Variants in OTC observed in about 807,000 individuals in gnomAD.
The protein encoded by OTC is ornithine transcarbamylase.
OTC carries 3 observed loss-of-function variants against 30.3 expected under a neutral mutation model. The ratio of observed to expected loss-of-function variants is 0.10; its 90% confidence interval spans 0.05 to 0.26. The LOEUF (loss-of-function observed/expected upper bound fraction) is 0.26, where lower values mean the gene tolerates loss of function less well. Among genes scored for constraint, OTC ranks in the 10% least tolerant of loss-of-function variants. The pLI is 1.00. For synonymous variants in OTC, 111 were observed against 99.7 expected (o/e 1.11, Z -0.67); for missense variants, 194 against 260.3 (o/e 0.75, Z 1.75).
chrX:38,328,875 A>T, the OTC span, among the ~76,000 whole-genome samples: 3 of 111,647 alleles, frequency 2.7e-5, no homozygotes, highest in Admixed American at 9.5e-5. Context: ...GAGCAGGCAG[A>T]TTTGAAAATA....
At chrX:38,383,357 G>A (rs1201052771) in intron 4 of OTC, among the ~76,000 whole-genome samples, 1 of 112,153 alleles carries the variant, frequency 8.9e-6, no homozygotes, top group African/African-American at 3.2e-5. Context: ...GATGAGGAAA[G>A]CATGGCTCAG....
chrX:38,327,756 C>A, the OTC span, among the ~76,000 whole-genome samples: 6 of 112,910 alleles, frequency 5.3e-5, no homozygotes, highest in Non-Finnish European at 9.4e-5. Flanking sequence ...GTCCAGGCGC[C>A]GCAGGGACCC....
At chrX:38,390,335 A>G (rs2068423607) in intron 4 of OTC, among the ~76,000 whole-genome samples, 1 of 112,347 alleles carries the variant, frequency 8.9e-6, no homozygotes, top group Admixed American at 9.5e-5. Context: ...TCTGTTTCCC[A>G]GAGGGAGATT....
intron 5 of OTC, among the ~76,000 whole-genome samples, chrX:38,402,737 ATATGT>A (rs1481319056): frequency 9.0e-6 from 1 of 111,415 alleles, no homozygotes; most frequent in African/African-American, 3.3e-5. Flanking sequence ...CTTTCCACAA[ATATGT>A]TATTATCCTG....
chrX:38,400,058 A>T (rs1170566150), intron 4 of OTC, among the ~76,000 whole-genome samples: 7 of 111,223 alleles, frequency 6.3e-5, no homozygotes, highest in African/African-American at 2.3e-4. Flanking sequence ...CTTCTTTGAA[A>T]TTGTCTTTCA....
At chrX:38,344,425 A>G in the OTC span, among the ~76,000 whole-genome samples, 1 of 111,915 alleles carries the variant, frequency 8.9e-6, no homozygotes, top group South Asian at 3.7e-4. Context: ...CTTATAAAAC[A>G]TTCTGGGAAT....
intron 9 of OTC, 29 bp from the exon 10 acceptor site, chrX:38,420,994 A>G: frequency 8.8e-7 from 1 of 1,139,368 alleles, no homozygotes; most frequent in Non-Finnish European, 1.2e-6. Flanking sequence ...ATGTTTATCC[A>G]TTTCTTTCTT....
rs1002292791 is a variant in OTC, at chrX:38,414,590, G to A, written c.1005+2591G>A. 2.7e-5 allele frequency among the ~76,000 whole-genome samples: 3 copies of A among 112,039 alleles called. No homozygotes were observed. In the East Asian group the frequency reaches 8.4e-4, roughly 31 times the overall value. ...TACTAGTCAGCTGTGCCATCTTAGC[G>A]TCTAAGTATTAACTCTCTAGGTCCC... On this transcript the variant is annotated intron_variant, in intron 9 of 9. Coordinates refer to ENST00000039007, the MANE Select transcript of OTC (RefSeq NM_000531.6).
chrX:38,374,146 G>A (rs1156598521), intron 3 of OTC, among the ~76,000 whole-genome samples: 2 of 111,611 alleles, frequency 1.8e-5, no homozygotes, highest in East Asian at 5.6e-4. Context: ...CTGGGCTACA[G>A]AGCAAGACTC....
chrX:38,328,396 A>G, the OTC span, among the ~76,000 whole-genome samples: 3 of 112,538 alleles, frequency 2.7e-5, no homozygotes, highest in African/African-American at 6.5e-5. Context: ...TTACTTACAA[A>G]GCAAAGTGGA....
At chrX:38,369,657 GC>G (rs768258209) in intron 2 of OTC, 138 bp from the exon 3 acceptor site, 1 of 295,961 alleles carries the variant, frequency 3.4e-6, no homozygotes, top group East Asian at 6.8e-5. Flanking sequence ...ACCACACCTG[GC>G]CTAAATTCAC....
intron 2 of OTC, among the ~76,000 whole-genome samples, chrX:38,367,851 G>A (rs749610351): frequency 1.8e-5 from 2 of 109,863 alleles, no homozygotes; most frequent in Non-Finnish European, 3.8e-5. Flanking sequence ...CCAAGTAGCT[G>A]GGATTACAGG....
At chrX:38,404,029 T>C (rs1264106747) in intron 6 of OTC, among the ~76,000 whole-genome samples, 1 of 112,408 alleles carries the variant, frequency 8.9e-6, no homozygotes, top group Non-Finnish European at 1.9e-5. Flanking sequence ...GCCATTATGA[T>C]GACTGGCATT....
chrX:38,387,321 TA>T (rs949293257), intron 4 of OTC, among the ~76,000 whole-genome samples: 7 of 112,095 alleles, frequency 6.2e-5, no homozygotes, highest in African/African-American at 1.3e-4. Flanking sequence ...ATTATTACAA[TA>T]AAAAAGTCTT....
chrX:38,368,380 T>G (rs752753881), intron 2 of OTC, among the ~76,000 whole-genome samples: 76 of 110,959 alleles, frequency 6.8e-4, no homozygotes, highest in African/African-American at 2.4e-3. Flanking sequence ...AAGATGATCC[T>G]TTTTTTCCAA....
At chrX:38,345,761 G>A in the OTC span, among the ~76,000 whole-genome samples, 10 of 109,862 alleles carry the variant, frequency 9.1e-5, no homozygotes, top group African/African-American at 3.3e-4. Flanking sequence ...GGCTGGTCTC[G>A]AACTCCTGAC....
chrX:38,382,229 C>G (rs769153872), intron 4 of OTC, among the ~76,000 whole-genome samples: 2 of 111,869 alleles, frequency 1.8e-5, no homozygotes, highest in Admixed American at 1.9e-4. Context: ...AAGGGAGAGA[C>G]GGGGAAAGGC....
intron 8 of OTC, 130 bp downstream of exon 8, chrX:38,409,155 C>A (rs1252641073): frequency 1.0e-5 from 7 of 675,695 alleles, no homozygotes; most frequent in Non-Finnish European, 1.4e-5. Flanking sequence ...CTGACTGTAT[C>A]CCCTAGGGAC....
intron 4 of OTC, among the ~76,000 whole-genome samples, chrX:38,394,921 T>C (rs1231366586): frequency 2.7e-5 from 3 of 110,222 alleles, no homozygotes; most frequent in African/African-American, 9.9e-5. Context: ...AGGTAAGAAG[T>C]AATTGGTACG....
Sources: allele counts gnomAD v4.1 joint callset (sites outside exome capture counted in the v4.1 genomes callset), GRCh38; gene constraint gnomAD v4.1.1; transcripts MANE v1.5; gene names NCBI Gene and HGNC (gene_info 2026-07-23, HGNC 2026-07-21).